Variants in XKR9 observed in about 807,000 individuals in gnomAD.
XKR9 encodes XK-related protein 9.
XKR9 carries 32 observed loss-of-function variants against 32.0 expected under a neutral mutation model. The observed-to-expected ratio is 1.00, with a 90% confidence interval of 0.76 to 1.34. The LOEUF (loss-of-function observed/expected upper bound fraction) is 1.34. XKR9 is among the 40% of genes most tolerant of loss of function. The pLI is 0.00. For missense variants in XKR9, 546 were observed against 429.7 expected (o/e 1.27, Z -2.39); for synonymous variants, 168 against 143.4 (o/e 1.17, Z -1.22).
the XKR9 span, among the ~76,000 whole-genome samples, chr8:70,958,742 T>A: frequency 3.3e-5 from 5 of 152,202 alleles, no homozygotes; most frequent in Non-Finnish European, 7.3e-5. Flanking sequence ...CAATTGCCTG[T>A]GGTGTCTTCA....
At chr8:71,043,518 T>C in the XKR9 span, among the ~76,000 whole-genome samples, 1 of 152,224 alleles carries the variant, frequency 6.6e-6, no homozygotes, top group African/African-American at 2.4e-5. Flanking sequence ...TTAAGAAGAA[T>C]GATGCCTGAA....
At chr8:70,750,680 G>GT (rs1261797830) in intron 2 of XKR9, among the ~76,000 whole-genome samples, 1 of 151,886 alleles carries the variant, frequency 6.6e-6, no homozygotes, top group Non-Finnish European at 1.5e-5. Context: ...AAATTCAATG[G>GT]TTTTTAGCCT....
chr8:70,776,392 C>G (rs747558903), intron 2 of XKR9, among the ~76,000 whole-genome samples: 2 of 151,930 alleles, frequency 1.3e-5, no homozygotes, highest in Non-Finnish European at 2.9e-5. Context: ...TCTGTAGGAT[C>G]TTAGTGATAT....
chr8:70,799,339 T>A, the XKR9 span, among the ~76,000 whole-genome samples: 1 of 152,152 alleles, frequency 6.6e-6, no homozygotes, highest in East Asian at 1.9e-4. Flanking sequence ...TTTATTTATT[T>A]ATTTTTTTTG....
At chr8:70,879,981 C>T in the XKR9 span, among the ~76,000 whole-genome samples, 3 of 152,196 alleles carry the variant, frequency 2.0e-5, no homozygotes, top group African/African-American at 7.2e-5. Context: ...ATATGCAAAT[C>T]AATAAATGTA....
the XKR9 span, among the ~76,000 whole-genome samples, chr8:70,844,167 C>A: frequency 6.6e-6 from 1 of 152,214 alleles, no homozygotes. Flanking sequence ...GCAACCTCAA[C>A]CCCCAGCCCC....
the XKR9 span, among the ~76,000 whole-genome samples, chr8:70,908,920 G>A: frequency 6.6e-6 from 1 of 152,166 alleles, no homozygotes; most frequent in Non-Finnish European, 1.5e-5. Context: ...TTTTAGTAAA[G>A]TTCCTTGCCT....
At chr8:70,884,155 C>T in the XKR9 span, among the ~76,000 whole-genome samples, 1 of 152,150 alleles carries the variant, frequency 6.6e-6, no homozygotes, top group Non-Finnish European at 1.5e-5. Context: ...AATGTGTTCT[C>T]ATATGCTTGT....
At chr8:70,698,120 C>A (rs1374359063) in intron 3 of XKR9, among the ~76,000 whole-genome samples, 1 of 151,988 alleles carries the variant, frequency 6.6e-6, no homozygotes, top group Non-Finnish European at 1.5e-5. Context: ...TTTTGTTGAT[C>A]CTTTCAAAAA....
At chr8:70,703,047 A>G (rs1360394361) in intron 3 of XKR9, among the ~76,000 whole-genome samples, 2 of 152,088 alleles carry the variant, frequency 1.3e-5, no homozygotes, top group Non-Finnish European at 2.9e-5. Flanking sequence ...TTTGAGTAAG[A>G]TGTACCTATG....
the XKR9 span, among the ~76,000 whole-genome samples, chr8:70,941,704 C>T: frequency 6.6e-6 from 1 of 152,138 alleles, no homozygotes. Context: ...AATCATCTTA[C>T]ATTTTCAAAT....
chr8:71,040,690 TAA>T, the XKR9 span, among the ~76,000 whole-genome samples: 14 of 152,192 alleles, frequency 9.2e-5, no homozygotes, highest in South Asian at 2.1e-4. Context: ...GATTTTTACA[TAA>T]GTGTGATTAA....
chr8:70,893,257 G>A, the XKR9 span, among the ~76,000 whole-genome samples: 1 of 152,066 alleles, frequency 6.6e-6, no homozygotes, highest in South Asian at 2.1e-4. Context: ...TGATTTTGTT[G>A]AATTGTTCAT....
chr8:70,699,372 G>C (rs1228128756), intron 3 of XKR9, among the ~76,000 whole-genome samples: 1 of 152,070 alleles, frequency 6.6e-6, no homozygotes, highest in Admixed American at 6.6e-5. Flanking sequence ...TTTTAGGGCA[G>C]GCCTGGTGGT....
the XKR9 span, among the ~76,000 whole-genome samples, chr8:71,012,925 T>C: frequency 2.6e-5 from 4 of 152,182 alleles, no homozygotes; most frequent in East Asian, 1.9e-4. Flanking sequence ...TACCCCAATA[T>C]AGTCTTACTC....
chr8:70,785,718 G>GCTCT (rs60417775), intron 2 of XKR9, among the ~76,000 whole-genome samples: 39 of 137,420 alleles, frequency 2.8e-4, no homozygotes, highest in South Asian at 2.4e-3. Context: ...ACTTTTTTTT[G>GCTCT]CTCTCTCTCT....
intron 2 of XKR9, among the ~76,000 whole-genome samples, chr8:70,676,550 T>G (rs1818896289): frequency 6.6e-6 from 1 of 152,216 alleles, no homozygotes; most frequent in South Asian, 2.1e-4. Context: ...GCCGTATGTA[T>G]TAGCTTGCTA....
the XKR9 span, among the ~76,000 whole-genome samples, chr8:70,881,241 A>G: frequency 6.6e-6 from 1 of 152,190 alleles, no homozygotes; most frequent in Non-Finnish European, 1.5e-5. Context: ...ACCAAAAGTA[A>G]TGTCAACAAA....
chr8:70,965,649 A>G, the XKR9 span, among the ~76,000 whole-genome samples: 1 of 152,168 alleles, frequency 6.6e-6, no homozygotes, highest in Non-Finnish European at 1.5e-5. Context: ...TTGCCTATTC[A>G]GGGATTCAAT....
Sources: allele counts gnomAD v4.1 joint callset (sites outside exome capture counted in the v4.1 genomes callset), GRCh38; gene constraint gnomAD v4.1.1; transcripts MANE v1.5; gene names NCBI Gene and HGNC (gene_info 2026-07-23, HGNC 2026-07-21).